Variants in PYGM observed in about 807,000 individuals in gnomAD.
The protein encoded by PYGM is glycogen phosphorylase, muscle associated, also known as glycogen phosphorylase, muscle form.
A neutral mutation model predicts 99.3 loss-of-function variants in PYGM; 81 were observed. That is an observed-to-expected ratio of 0.82 (90% confidence interval 0.68 to 0.98). The LOEUF (loss-of-function observed/expected upper bound fraction) is 0.98, where lower values mean the gene tolerates loss of function less well. Ranked by LOEUF, PYGM falls within the 50% of genes least tolerant of loss-of-function variation. PYGM has a pLI of 0.00. For missense variants in PYGM, 1,030 were observed against 1,158.1 expected (o/e 0.89, Z 1.61); for synonymous variants, 436 against 451.5 (o/e 0.97, Z 0.44).
At position 64,755,505 on chromosome 11, in the gene PYGM, A is replaced by C; in HGVS notation, c.714T>G (p.Val238=). 1 of 1,614,134 alleles carries C rather than the reference A, an allele frequency of 6.2e-7. No homozygotes were observed. The highest frequency in any genetic ancestry group is 8.5e-7 in the Non-Finnish European group (1 of 1,179,990). ...CAGACCAGAGGCGCATGGTGTTGAC[A>C]ACATTGTTGCGATAGCCAGGCACGG... ...DTPVPGYRNN[V]VNTMRLWSAK... The change falls in exon 6 of 20, where the codon GTT becomes GTG. Residue 238 remains valine (V), a synonymous_variant. Coordinates refer to ENST00000164139, the MANE Select transcript of PYGM (RefSeq NM_005609.4). The surrounding 1 kb of genome is among the most constrained non-coding windows in gnomAD (Gnocchi z 4.1).
At chr11:64,750,241 C>T in intron 17 of PYGM, 135 bp downstream of exon 17, 1 of 941,412 alleles carries the variant, frequency 1.1e-6, no homozygotes, top group South Asian at 1.3e-5. Context: ...TCTAAAGTTT[C>T]CCAGAATCCT....
chr11:64,759,288 C>T (rs1228737673), intron 1 of PYGM, among the ~76,000 whole-genome samples: 1 of 152,060 alleles, frequency 6.6e-6, no homozygotes, highest in Non-Finnish European at 1.5e-5. Flanking sequence ...CACTTGATCT[C>T]TGCCGCCCCA....
In PYGM at chr11:64,746,558, A is replaced by C; in HGVS notation, c.*101T>G. On this transcript the variant is annotated 3_prime_UTR_variant, in exon 20 of 20. Transcript: ENST00000164139. ...AAAATGAGGGTTCCAGGAGGGGCTT[A>C]GAGATCTAACTCCAGTACCCCACCC... 3.0e-5 allele frequency: 44 copies of C among 1,472,190 alleles called. No homozygotes were observed. The highest frequency in any genetic ancestry group is 3.8e-5 in the Non-Finnish European group (40 of 1,060,830). 91.2% of individuals were successfully genotyped at this position (1,472,190 alleles called of 1,614,324 possible). A position where few individuals can be genotyped will look rare whatever the true frequency, so the allele number is the denominator to read the frequency against.
intron 12 of PYGM, among the ~76,000 whole-genome samples, chr11:64,752,777 G>T: frequency 6.6e-6 from 1 of 152,176 alleles, no homozygotes; most frequent in East Asian, 1.9e-4. Context: ...ATGACCTTGC[G>T]CCTTCCCTAC....
At position 64,752,388 on chromosome 11, in the gene PYGM, T is replaced by G. The variant is rs1463934943; in HGVS notation, c.1620+15A>C. 1.9e-6 allele frequency: 3 copies of G among 1,610,650 alleles called. No homozygotes were observed. Among genetic ancestry groups the G allele is most frequent in the Non-Finnish European group, 2.5e-6 (3 of 1,176,894 alleles). On this transcript the variant is annotated intron_variant, in intron 13 of 19. Coordinates refer to ENST00000164139, the MANE Select transcript of PYGM (RefSeq NM_005609.4). ...TCCACACAGCACAGCTGTCCCACAT[T>G]GCATCTCTCCCCACCTGCTTCACTT... is the stretch of plus-strand genomic sequence containing the variant.
intron 19 of PYGM, 26 bp downstream of exon 19, chr11:64,746,895 C>T: frequency 6.2e-7 from 1 of 1,614,164 alleles, no homozygotes; most frequent in Non-Finnish European, 8.5e-7. Context: ...CAAAGCCCTG[C>T]CAACCCCTGG....
At chr11:64,752,651 G>A in intron 12 of PYGM, 147 bp from the exon 13 acceptor site, 1 of 815,732 alleles carries the variant, frequency 1.2e-6, no homozygotes, top group Non-Finnish European at 2.0e-6. Context: ...CAGCCGCCCA[G>A]ATGGGGCACG....
chr11:64,757,163 T>C (rs923754715), intron 5 of PYGM, among the ~76,000 whole-genome samples: 3 of 152,130 alleles, frequency 2.0e-5, no homozygotes, highest in Non-Finnish European at 4.4e-5. Context: ...GCTCAAGCAA[T>C]CTGCTCACCT....
At chr11:64,752,158 T>C in intron 13 of PYGM, 87 bp from the exon 14 acceptor site, 1 of 1,587,088 alleles carries the variant, frequency 6.3e-7, no homozygotes, top group East Asian at 2.2e-5. Flanking sequence ...CCCAGGAGGA[T>C]GGCTACCAGG....
In PYGM at chr11:64,750,451, G is replaced by A; in HGVS notation, c.2102C>T (p.Ala701Val). ...GTMDGANVEM[A>V]EEAGEENFFI... ...GAAGTTTTCCTCTCCCGCCTCTTCT[G>A]CCATCTCCACATTGGCCCCGTCCAT... The change falls in exon 17 of 20, where the codon GCA (alanine) becomes GTA (valine). Residue 701 changes from alanine (A) to valine (V), a missense_variant. Ala to Val is a moderately conservative substitution (Grantham distance 64, BLOSUM62 0). Coordinates refer to ENST00000164139, the MANE Select transcript of PYGM (RefSeq NM_005609.4). 6.2e-7 allele frequency: 1 copy of A among 1,614,138 alleles called. No individual in the cohort carries two copies. Among genetic ancestry groups the A allele is most frequent in the Non-Finnish European group, 8.5e-7 (1 of 1,180,034 alleles).
intron 1 of PYGM, among the ~76,000 whole-genome samples, 197 bp downstream of exon 1, chr11:64,759,459 C>T (rs935679945): frequency 8.5e-5 from 13 of 152,222 alleles, no homozygotes; most frequent in Non-Finnish European, 1.5e-4. Context: ...GCCAGCCCAC[C>T]TGCTCTGAGC....
Position 64,752,000 on chromosome 11 carries a change from G to A in PYGM, c.1692C>T (p.Phe564=), listed in dbSNP as rs116812032. ...YKVHINPNSL[F]DIQVKRIHEY... ...CGTGAATCCGCTTCACCTGGATGTC[G>A]AAGAGTGAGTTGGGGTTGATGTGGA... Residue 564 remains phenylalanine (F), a synonymous_variant, in exon 14 of 20, where the codon TTC becomes TTT. Coordinates refer to ENST00000164139, the MANE Select transcript of PYGM (RefSeq NM_005609.4). 1,412 of 1,614,128 alleles carry A rather than the reference G, an allele frequency of 8.7e-4. 3 individuals carry two copies. The highest frequency in any genetic ancestry group is 1.1e-3 in the Non-Finnish European group (1,327 of 1,179,996).
Position 64,754,525 on chromosome 11 carries a change from G to A in PYGM, c.999+168C>T. 1 of 1,114,878 alleles carries A rather than the reference G, an allele frequency of 9.0e-7. No individual in the cohort carries two copies. Among genetic ancestry groups the A allele is most frequent in the Non-Finnish European group, 1.3e-6 (1 of 776,818 alleles). 69.1% of individuals were successfully genotyped at this position (1,114,878 alleles called of 1,614,324 possible). A position where few individuals can be genotyped will look rare whatever the true frequency, so the allele number is the denominator to read the frequency against. ...GGGGGGAGTGGGGCGGGAGGAGGAG[G>A]GAAGCCCAGGTTCTGAGCCTGTGGA... On this transcript the variant is annotated intron_variant, in intron 8 of 19. Coordinates refer to ENST00000164139, the MANE Select transcript of PYGM (RefSeq NM_005609.4). The surrounding 1 kb of genome is among the most constrained non-coding windows in gnomAD (Gnocchi z 5.5).
At chr11:64,748,537 C>T (rs1223503767) in intron 17 of PYGM, 1 of 152,122 alleles carries the variant, frequency 6.6e-6, no homozygotes, top group Admixed American at 6.5e-5. Context: ...AAATATCACC[C>T]TTCTGATAAT....
At chr11:64,752,358 C>G in intron 13 of PYGM, 45 bp downstream of exon 13, 2 of 1,591,404 alleles carry the variant, frequency 1.3e-6, no homozygotes, top group Non-Finnish European at 1.7e-6. Context: ...GCCCCTCCAG[C>G]GCTCTCCACA....
In PYGM at chr11:64,746,453, T is replaced by C. The variant is rs943868866; in HGVS notation, c.*206A>G. 4 of 663,050 alleles carry C rather than the reference T, an allele frequency of 6.0e-6. No homozygotes were observed. The highest frequency in any genetic ancestry group is 1.8e-5 in the African/African-American group (1 of 55,454). 41.1% of individuals were successfully genotyped at this position (663,050 alleles called of 1,614,324 possible). ...GGTGCAGTTGGTCAGACCCCATAAATAGGAGGGGACCGGGAGCCCGAGGAC... is the reference window on the plus strand; with the variant it reads ...GGTGCAGTTGGTCAGACCCCATAAACAGGAGGGGACCGGGAGCCCGAGGAC... On this transcript the variant is annotated 3_prime_UTR_variant, in exon 20 of 20. Transcript: ENST00000164139.
In PYGM at chr11:64,754,479, G is replaced by A. The variant is rs937687971; in HGVS notation, c.1000-134C>T. The stretch of plus-strand genomic sequence containing the variant: ...GGGCTGTGGGCAGAGGCAGGCCGGT[G>A]CTCATGGGGGTGGGAGGAATGGGGG... On this transcript the variant is annotated intron_variant, in intron 8 of 19. Transcript: ENST00000164139. The surrounding 1 kb of genome is among the most constrained non-coding windows in gnomAD (Gnocchi z 5.5). 4.6e-6 allele frequency: 4 copies of A among 878,136 alleles called. No homozygotes were observed. Among genetic ancestry groups the A allele is most frequent in the Non-Finnish European group, 6.9e-6 (4 of 579,496 alleles). The allele number at this position is 878,136 out of a possible 1,614,324, so 54.4% of individuals were successfully genotyped here. A position where few individuals can be genotyped will look rare whatever the true frequency, so the allele number is the denominator to read the frequency against.
In PYGM at chr11:64,755,642, C is replaced by T; in HGVS notation, c.661-84G>A. 9.7e-7 allele frequency: 1 copy of T among 1,034,388 alleles called. No homozygotes were observed. The highest frequency in any genetic ancestry group is 1.4e-5 in the South Asian group (1 of 73,606). 64.1% of individuals were successfully genotyped at this position (1,034,388 alleles called of 1,614,324 possible). On this transcript the variant is annotated intron_variant, in intron 5 of 19. Coordinates refer to ENST00000164139, the MANE Select transcript of PYGM (RefSeq NM_005609.4). This position sits in a 1 kb window ranked among gnomAD's most constrained non-coding sequence, Gnocchi z 4.1. ...AGGGCTGGGACTCAAGGCTTTATCC[C>T]TGCACTCTGCAGACCCAGGCTCTTG...
chr11:64,750,384 G>GT lies in PYGM; in HGVS notation c.2168dup (p.Asp723GlufsTer16). The GT allele has an allele frequency of 6.2e-7, 1 of 1,614,000 alleles. No individual in the cohort carries two copies. Among genetic ancestry groups the GT allele is most frequent in the Non-Finnish European group, 8.5e-7 (1 of 1,179,982 alleles). On this transcript the variant is annotated frameshift_variant, in exon 17 of 20. Transcript: ENST00000164139. LOFTEE classifies it high-confidence loss of function. The stretch of plus-strand genomic sequence containing the variant: ...AACCCTGACCCCCATACCCTCTTTG[G>GT]TCAAGCTTATCCACATCCTCCACCC...
Sources: allele counts gnomAD v4.1 joint callset (sites outside exome capture counted in the v4.1 genomes callset), GRCh38; gene constraint gnomAD v4.1.1; non-coding constraint Gnocchi (gnomAD v3.1); transcripts MANE v1.5; gene names NCBI Gene and HGNC (gene_info 2026-07-23, HGNC 2026-07-21).